Variants in REDIC1 observed in about 807,000 individuals in gnomAD.
The protein encoded by REDIC1 is regulator of DNA class I crossover intermediates 1, also known as HEI10 Interacting Protein 1.
At chr12:39,873,714 A>G in the REDIC1 span, among the ~76,000 whole-genome samples, 1 of 152,204 alleles carries the variant, frequency 6.6e-6, no homozygotes, top group Non-Finnish European at 1.5e-5. Context: ...ACAAGTGTTA[A>G]ATGAAGGGAT....
At chr12:39,798,602 G>T in the REDIC1 span, among the ~76,000 whole-genome samples, 14 of 152,138 alleles carry the variant, frequency 9.2e-5, no homozygotes, top group African/African-American at 3.1e-4. Context: ...TCCTGAGCAG[G>T]CCCTCCAGCT....
At chr12:39,660,061 A>T in the REDIC1 span, among the ~76,000 whole-genome samples, 1 of 151,864 alleles carries the variant, frequency 6.6e-6, no homozygotes, top group Non-Finnish European at 1.5e-5. Context: ...GAAATTTTCC[A>T]CTCTAGAGGG....
the REDIC1 span, among the ~76,000 whole-genome samples, chr12:39,672,188 C>A: frequency 1.3e-5 from 2 of 152,110 alleles, no homozygotes; most frequent in Non-Finnish European, 2.9e-5. Flanking sequence ...GGGCCTCAAG[C>A]ATCATGCTTG....
At chr12:39,766,163 C>T in the REDIC1 span, among the ~76,000 whole-genome samples, 2 of 152,080 alleles carry the variant, frequency 1.3e-5, no homozygotes, top group Non-Finnish European at 2.9e-5. Context: ...CTGTGCTACA[C>T]CCAGATCTGC....
chr12:39,701,921 CT>C, the REDIC1 span, among the ~76,000 whole-genome samples: 1 of 152,122 alleles, frequency 6.6e-6, no homozygotes. Context: ...ACCAGAATCT[CT>C]GGGACACATT....
the REDIC1 span, chr12:39,691,908 T>C: frequency 8.6e-6 from 6 of 699,056 alleles, no homozygotes; most frequent in African/African-American, 1.9e-5. Context: ...TTTTTCTTTG[T>C]GGTTTAAAAA....
chr12:39,685,953 T>C, the REDIC1 span, among the ~76,000 whole-genome samples: 11,654 of 152,218 alleles, frequency 0.077, 602 homozygotes, highest in Non-Finnish European at 0.12. Flanking sequence ...TCCAAAATAA[T>C]CTCCCTTGAC....
the REDIC1 span, among the ~76,000 whole-genome samples, chr12:39,863,937 T>C: frequency 6.6e-6 from 1 of 152,224 alleles, no homozygotes; most frequent in African/African-American, 2.4e-5. Context: ...ACTCATTGAT[T>C]TGAGACTTGC....
the REDIC1 span, chr12:39,802,339 G>A: frequency 6.6e-6 from 1 of 152,136 alleles, no homozygotes; most frequent in Non-Finnish European, 1.5e-5. Flanking sequence ...TGAAGATGGT[G>A]GAAGGACATT....
the REDIC1 span, among the ~76,000 whole-genome samples, chr12:39,747,817 C>A: frequency 4.6e-5 from 7 of 152,098 alleles, no homozygotes; most frequent in Non-Finnish European, 1.0e-4. Flanking sequence ...ATTTCATATC[C>A]AGCCAAACTA....
the REDIC1 span, among the ~76,000 whole-genome samples, chr12:39,711,746 T>C: frequency 3.1e-5 from 4 of 127,848 alleles, no homozygotes; most frequent in Non-Finnish European, 7.0e-5. Context: ...TATGTGTGTA[T>C]ACACATGCAT....
chr12:39,642,915 A>G, the REDIC1 span, among the ~76,000 whole-genome samples: 2 of 151,818 alleles, frequency 1.3e-5, no homozygotes, highest in Non-Finnish European at 2.9e-5. Context: ...TGAAATGTTA[A>G]TGTGAAAGAG....
chr12:39,714,983 G>T, the REDIC1 span, among the ~76,000 whole-genome samples: 9 of 152,078 alleles, frequency 5.9e-5, no homozygotes, highest in South Asian at 1.9e-3. Flanking sequence ...CAGATGTATA[G>T]ATTGTGAAGA....
the REDIC1 span, among the ~76,000 whole-genome samples, chr12:39,890,752 C>A: frequency 1.3e-5 from 2 of 152,016 alleles, no homozygotes; most frequent in Non-Finnish European, 2.9e-5. Context: ...CTGTAGAAAA[C>A]CAATACATAT....
At chr12:39,707,752 A>C in the REDIC1 span, among the ~76,000 whole-genome samples, 43 of 152,032 alleles carry the variant, frequency 2.8e-4, no homozygotes, top group South Asian at 2.3e-3. Flanking sequence ...CATTTTTTAA[A>C]AAGTTTTTTT....
At chr12:39,665,439 T>C in the REDIC1 span, among the ~76,000 whole-genome samples, 3 of 151,680 alleles carry the variant, frequency 2.0e-5, no homozygotes, top group South Asian at 2.1e-4. Context: ...TATATCTCTG[T>C]TTTGGTACCA....
At chr12:39,854,166 G>C in the REDIC1 span, among the ~76,000 whole-genome samples, 1 of 151,688 alleles carries the variant, frequency 6.6e-6, no homozygotes, top group African/African-American at 2.4e-5. Flanking sequence ...AAATGGCTCT[G>C]CAACATACCA....
the REDIC1 span, among the ~76,000 whole-genome samples, chr12:39,896,140 ACC>A: frequency 6.8e-6 from 1 of 147,630 alleles, no homozygotes; most frequent in Non-Finnish European, 1.5e-5. Flanking sequence ...ATACACGTGT[ACC>A]TATATATGTA....
the REDIC1 span, among the ~76,000 whole-genome samples, chr12:39,846,278 C>G: frequency 1.3e-5 from 2 of 152,086 alleles, no homozygotes; most frequent in African/African-American, 4.8e-5. Context: ...TTACTGTCCA[C>G]TCCCAAAGGG....
Sources: gnomAD v4.1 joint callset for allele counts (sites outside exome capture counted in the v4.1 genomes callset) on GRCh38, gnomAD v4.1.1 for gene constraint, MANE v1.5 for transcripts, NCBI Gene and HGNC (gene_info 2026-07-23, HGNC 2026-07-21) for gene names.